Variants in HOXD3 observed in about 807,000 individuals in gnomAD.
HOXD3 encodes the protein homeobox protein Hox-D3.
Under a neutral mutation model 32.8 loss-of-function variants are expected in HOXD3, and 13 were observed. The ratio of observed to expected loss-of-function variants is 0.40; its 90% CI spans 0.26 to 0.63. The LOEUF is 0.63. Ranked by LOEUF, HOXD3 falls within the 20% of genes least tolerant of loss-of-function variation. HOXD3 has a pLI of 0.44. For missense variants in HOXD3, 504 were observed against 577.1 expected (o/e 0.87, Z 1.30); for synonymous variants, 241 against 246.8 (o/e 0.98, Z 0.22).
intron 1 of HOXD3, among the ~76,000 whole-genome samples, chr2:176,160,436 A>AATGTGTTCTT (rs1690764451): frequency 6.6e-6 from 1 of 152,112 alleles, no homozygotes; most frequent in African/African-American, 2.4e-5. Flanking sequence ...GAGCTGCGAA[A>AATGTGTTCTT]ATGTGTTCTT....
At position 176,169,335 on chromosome 2, in the gene HOXD3, C is replaced by T. The variant is rs372175551; in HGVS notation, c.221C>T (p.Ala74Val). The part of the protein sequence containing the change: ...PGSACSIQSS[A>V]PLRAPAHKGA... The stretch of plus-strand genomic sequence containing the variant: ...TCTGCCTGCTCCATCCAGAGCTCTG[C>T]CCCTCTGAGAGCCCCAGCCCACAAA... Residue 74 changes from alanine (A) to valine (V), a missense_variant, in exon 3 of 4, where the codon GCC (alanine) becomes GTC (valine). Ala to Val is a moderately conservative substitution (Grantham distance 64). Coordinates refer to ENST00000683222, the MANE Select transcript of HOXD3 (RefSeq NM_006898.5). 3.0e-5 allele frequency: 48 copies of T among 1,614,090 alleles called. No individual in the cohort carries two copies. The highest frequency in any genetic ancestry group is 3.3e-4 in the Middle Eastern group (2 of 6,060).
At chr2:176,160,031 C>A (rs1375905112) in intron 1 of HOXD3, among the ~76,000 whole-genome samples, 11 of 152,242 alleles carry the variant, frequency 7.2e-5, no homozygotes, top group African/African-American at 1.9e-4. Context: ...GGTGACTCGG[C>A]TGCTGAGTCC....
At position 176,172,249 on chromosome 2, in the gene HOXD3, A is replaced by G; in HGVS notation, c.1274A>G (p.Glu425Gly). The G allele has an allele frequency of 6.2e-7, 1 of 1,605,008 alleles. No homozygotes were observed. The highest frequency in any genetic ancestry group is 1.7e-5 in the Admixed American group (1 of 59,850). The change falls in exon 4 of 4, where the codon GAG becomes GGG. Residue 425 changes from glutamate to glycine, a missense_variant. Physicochemically the swap from Glu to Gly is moderately conservative, Grantham distance 98 (BLOSUM62 -2). Coordinates refer to ENST00000683222, the MANE Select transcript of HOXD3 (RefSeq NM_006898.5). ...AHHSSQGRLP[E>G]APKLTHL ...CACTCGTCTCAGGGACGACTGCCGG[A>G]GGCTCCCAAACTGACGCATCTGTAG... is the stretch of plus-strand genomic sequence containing the variant.
chr2:176,156,386 A>T (rs1382468773), upstream of HOXD3, among the ~76,000 whole-genome samples: 1 of 152,086 alleles, frequency 6.6e-6, no homozygotes, highest in Admixed American at 6.5e-5. Flanking sequence ...TAATAGGGGG[A>T]TCCAGGTTGG....
rs1472704270 is a variant in HOXD3, at chr2:176,171,868, C to T, written c.893C>T (p.Ser298Leu). 1.9e-6 allele frequency: 3 copies of T among 1,600,820 alleles called. No individual in the cohort carries two copies. Among genetic ancestry groups the T allele is most frequent in the Non-Finnish European group, 2.6e-6 (3 of 1,174,186 alleles). ...PVPGLAYDAP[S>L]PPAFAKSQPN... is the part of the protein sequence containing the mutation. ...CCCGGCCTGGCCTACGACGCGCCCT[C>T]GCCGCCTGCTTTCGCCAAATCACAG... The change falls in exon 4 of 4, where the codon TCG (serine) becomes TTG (leucine). Residue 298 changes from serine to leucine, a missense_variant. By Grantham distance (145) the Ser-to-Leu change is moderately radical (BLOSUM62 -2). Coordinates refer to ENST00000683222, the MANE Select transcript of HOXD3 (RefSeq NM_006898.5).
upstream of HOXD3, among the ~76,000 whole-genome samples, chr2:176,154,041 G>T (rs556238107): frequency 6.6e-6 from 1 of 151,506 alleles, no homozygotes; most frequent in Non-Finnish European, 1.5e-5. Flanking sequence ...GTGGGAAGGT[G>T]AGGAACTCTT....
upstream of HOXD3, among the ~76,000 whole-genome samples, chr2:176,154,064 A>T (rs919761865): frequency 7.0e-6 from 1 of 142,024 alleles, no homozygotes; most frequent in Admixed American, 7.0e-5. Flanking sequence ...TTTAAGAAGG[A>T]AAAAAAAAAA....
intron 1 of HOXD3, chr2:176,160,940 G>C (rs1173989152): frequency 6.6e-6 from 1 of 152,274 alleles, no homozygotes; most frequent in Non-Finnish European, 1.5e-5. Context: ...GTGTGCTCGA[G>C]TATATGGCCG....
chr2:176,169,846 A>G (rs1034296758), intron 3 of HOXD3, among the ~76,000 whole-genome samples, 191 bp downstream of exon 3: 3 of 152,064 alleles, frequency 2.0e-5, no homozygotes, highest in Non-Finnish European at 2.9e-5. Context: ...CTTCCATTCC[A>G]GGCTGCTGGT....
upstream of HOXD3, among the ~76,000 whole-genome samples, chr2:176,156,862 G>A (rs1007552446): frequency 6.6e-6 from 1 of 152,192 alleles, no homozygotes; most frequent in Non-Finnish European, 1.5e-5. Flanking sequence ...ATATGGAAGG[G>A]CTTGCCCCAG....
chr2:176,165,856 G>A (rs950673812), intron 2 of HOXD3: 1 of 152,144 alleles, frequency 6.6e-6, no homozygotes, highest in Non-Finnish European at 1.5e-5. Flanking sequence ...TCGAAAAGAT[G>A]AGCCACTGAA....
rs556336205 is a variant in HOXD3, at chr2:176,160,132, G to C, written c.-181+2680G>C. Among the ~76,000 whole-genome samples, 18 of 152,330 alleles carry C rather than the reference G, an allele frequency of 1.2e-4. No individual in the cohort carries two copies. In the South Asian group the frequency reaches 3.7e-3, roughly 32 times the overall value. Reference sequence around the variant, plus strand: ...TCGCGGCTTCCACCTTTGGGCCGGAGCGGGTCCTCGCCCTGGGAGGAGCTG... The same window carrying C: ...TCGCGGCTTCCACCTTTGGGCCGGACCGGGTCCTCGCCCTGGGAGGAGCTG... On this transcript the variant is annotated intron_variant, in intron 1 of 3. Coordinates refer to ENST00000683222, the MANE Select transcript of HOXD3 (RefSeq NM_006898.5).
At chr2:176,154,810 C>T (rs1313520800), upstream of HOXD3, among the ~76,000 whole-genome samples, 1 of 152,176 alleles carries the variant, frequency 6.6e-6, no homozygotes, top group Non-Finnish European at 1.5e-5. Context: ...TGAATGTCAC[C>T]ACGTCGGGAT....
upstream of HOXD3, chr2:176,153,000 G>A (rs1382097152): frequency 8.4e-6 from 13 of 1,547,730 alleles, no homozygotes; most frequent in Non-Finnish European, 1.2e-5. This position sits in a 1 kb window ranked among gnomAD's most constrained non-coding sequence, Gnocchi z 5.2. Context: ...AAGCTGCGGG[G>A]GCAGGCCGGG....
At chr2:176,165,290 C>T (rs1690928591) in intron 2 of HOXD3, 2 of 152,242 alleles carry the variant, frequency 1.3e-5, no homozygotes, top group Non-Finnish European at 2.9e-5. Flanking sequence ...GCTTAATAAC[C>T]CCGTCCCCTG....
At chr2:176,155,250 A>ATAAATCT (rs1350803001), upstream of HOXD3, among the ~76,000 whole-genome samples, 8 of 152,314 alleles carry the variant, frequency 5.3e-5, no homozygotes, top group East Asian at 1.2e-3. Flanking sequence ...ACATCCAATT[A>ATAAATCT]CATATATATA....
At chr2:176,156,766 C>T (rs561308078), upstream of HOXD3, among the ~76,000 whole-genome samples, 1 of 152,246 alleles carries the variant, frequency 6.6e-6, no homozygotes, top group African/African-American at 2.4e-5. Context: ...AAGAAGGGGC[C>T]AAGACAGGAG....
intron 3 of HOXD3, among the ~76,000 whole-genome samples, chr2:176,170,074 A>G (rs1691122882): frequency 1.3e-5 from 2 of 152,214 alleles, no homozygotes; most frequent in Non-Finnish European, 2.9e-5. Flanking sequence ...AAAGTCTTAG[A>G]AAGTACCATA....
intron 1 of HOXD3, among the ~76,000 whole-genome samples, chr2:176,160,190 G>A: frequency 6.6e-6 from 1 of 152,200 alleles, no homozygotes; most frequent in East Asian, 1.9e-4. Flanking sequence ...AGGCCGCCTT[G>A]CCGGGGTGCA....
Sources: gnomAD v4.1 joint callset for allele counts (sites outside exome capture counted in the v4.1 genomes callset) on GRCh38, gnomAD v4.1.1 for gene constraint, Gnocchi (gnomAD v3.1) non-coding constraint, MANE v1.5 for transcripts, NCBI Gene and HGNC (gene_info 2026-07-23, HGNC 2026-07-21) for gene names.